PLCXD1: variants seen among roughly 807,000 people sequenced by gnomAD.
The protein encoded by PLCXD1 is PI-PLC X domain-containing protein 1.
PLCXD1 carries 45 observed loss-of-function variants against 37.8 expected under a neutral mutation model. That is an observed-to-expected ratio of 1.19 (90% CI 0.94 to 1.53). The LOEUF is 1.53. Among genes scored for constraint, PLCXD1 ranks in the 40% most tolerant of loss-of-function variants. PLCXD1 has a pLI of 0.00. For synonymous variants in PLCXD1, 246 were observed against 206.9 expected, an observed-to-expected ratio of 1.19 and a Z score of -1.62; for missense variants, 539 against 454.7, an observed-to-expected ratio of 1.19 and a Z score of -1.69.
At chrX:278,560 G>A (rs1438045592), upstream of PLCXD1, among the ~76,000 whole-genome samples, 1 of 151,956 alleles carries the variant, frequency 6.6e-6, no homozygotes, top group African/African-American at 2.4e-5. Flanking sequence ...CCAACAAGGT[G>A]AAACCCTGTC....
intron 5 of PLCXD1, among the ~76,000 whole-genome samples, 156 bp downstream of exon 5, chrX:291,810 G>C (rs946939115): frequency 1.3e-5 from 2 of 152,130 alleles, no homozygotes; most frequent in African/African-American, 4.8e-5. Flanking sequence ...CAGTGTGGGG[G>C]GCCCTGGCTG....
At chrX:295,373 G>T (rs1008799157) in intron 6 of PLCXD1, among the ~76,000 whole-genome samples, 1 of 152,022 alleles carries the variant, frequency 6.6e-6, no homozygotes. Flanking sequence ...TGCAGCCTGC[G>T]GCTGGGTTCT....
intron 6 of PLCXD1, among the ~76,000 whole-genome samples, chrX:295,259 C>T (rs1020279110): frequency 5.9e-5 from 9 of 151,880 alleles, no homozygotes; most frequent in Admixed American, 1.3e-4. Flanking sequence ...GTGCAGACAG[C>T]GTCGGCAGCC....
chrX:301,624 G>A lies in PLCXD1; in HGVS notation c.*2289G>A, dbSNP rs1424651621. Reference sequence around the variant, plus strand: ...ATGCCCAGCTAATTATTTAGTAGTAGTAGGAGGAGTATTATGTTTGAGATG... The same window carrying A: ...ATGCCCAGCTAATTATTTAGTAGTAATAGGAGGAGTATTATGTTTGAGATG... On this transcript the variant is annotated 3_prime_UTR_variant, in exon 7 of 7. Transcript: ENST00000381657. The A allele has an allele frequency of 6.6e-6, 1 of 152,098 alleles. No individual in the cohort carries two copies. The highest frequency in any genetic ancestry group is 1.5e-5 in the Non-Finnish European group (1 of 68,060). 9.4% of individuals were successfully genotyped at this position (152,098 alleles called of 1,614,324 possible).
rs772161984 is a variant in PLCXD1, at chrX:284,177, G to A, written c.-11G>A. On this transcript the variant is annotated 5_prime_UTR_variant, in exon 2 of 7. Transcript: ENST00000381657. Reference sequence around the variant, plus strand: ...CTTCTCCTTCCTCAGGTTGCCCAGGGCTCACCTCTGATGGGTGGGCAGGTG... The same window carrying A: ...CTTCTCCTTCCTCAGGTTGCCCAGGACTCACCTCTGATGGGTGGGCAGGTG... 6.2e-7 allele frequency: 1 copy of A among 1,612,764 alleles called. No homozygotes were observed. The highest frequency in any genetic ancestry group is 1.1e-5 in the South Asian group (1 of 91,012).
At chrX:295,572 C>T (rs1202683842) in intron 6 of PLCXD1, among the ~76,000 whole-genome samples, 2 of 150,482 alleles carry the variant, frequency 1.3e-5, no homozygotes, top group African/African-American at 4.9e-5. Flanking sequence ...TTGCCCCGGT[C>T]GGAGTGCAGT....
chrX:292,068 G>A (rs1178883808), intron 5 of PLCXD1, among the ~76,000 whole-genome samples: 4 of 152,108 alleles, frequency 2.6e-5, no homozygotes, highest in East Asian at 3.9e-4. Context: ...TTGGGAGGCC[G>A]AGGCGGGCGG....
At chrX:292,223 AGGCG>A (rs921308260) in intron 5 of PLCXD1, among the ~76,000 whole-genome samples, 43 of 152,024 alleles carry the variant, frequency 2.8e-4, no homozygotes, top group Non-Finnish European at 3.8e-4. Flanking sequence ...TGGGAGGCCG[AGGCG>A]GGCGGATCAT....
intron 2 of PLCXD1, among the ~76,000 whole-genome samples, chrX:285,334 GCACATGCACACGTGTACACATGTACA>G (rs1213148586): frequency 6.7e-6 from 1 of 150,244 alleles, no homozygotes. Flanking sequence ...GTGTACACAT[GCACATGCACACGTGTACACATGTACA>G]CACATGCACA....
intron 2 of PLCXD1, among the ~76,000 whole-genome samples, chrX:287,433 AT>A (rs1411143555): frequency 2.8e-5 from 4 of 140,576 alleles, no homozygotes; most frequent in Non-Finnish European, 6.0e-5. Flanking sequence ...TTATATATAG[AT>A]ATATATACAC....
upstream of PLCXD1, among the ~76,000 whole-genome samples, chrX:276,644 C>G (rs758459108): frequency 2.0e-5 from 3 of 152,252 alleles, no homozygotes; most frequent in South Asian, 6.2e-4. Flanking sequence ...AATTCTCTGC[C>G]GGGTCAGAGC....
rs1364014330 is a variant in PLCXD1 at position 284,320 on chromosome X, G to A, written c.127+6G>A. 2 of 1,612,766 alleles carry A rather than the reference G, an allele frequency of 1.2e-6. No individual in the cohort carries two copies. Among genetic ancestry groups the A allele is most frequent in the East Asian group, 2.2e-5 (1 of 44,884 alleles). On this transcript the variant is annotated splice_donor_region_variant and intron_variant, in intron 2 of 6. Transcript: ENST00000381657. ...CCACCACCTCTCCATCCCAGGTGAG[G>A]TTGGGGTGGGGCAGGGGCCGTTGCC...
chrX:278,736 C>G (rs1203262904), upstream of PLCXD1, among the ~76,000 whole-genome samples: 84 of 39,986 alleles, frequency 2.1e-3, no homozygotes, highest in African/African-American at 4.8e-3. Flanking sequence ...AAGACTCCGT[C>G]TCAAAAAAAA....
chrX:290,623 A>G, intron 3 of PLCXD1, 25 bp from the exon 4 acceptor site: 1 of 1,612,888 alleles, frequency 6.2e-7, no homozygotes, highest in Non-Finnish European at 8.5e-7. Flanking sequence ...AGCCAGGCAG[A>G]CATGACAGCA....
chrX:279,352 G>C (rs2069214399), upstream of PLCXD1, among the ~76,000 whole-genome samples: 1 of 152,226 alleles, frequency 6.6e-6, no homozygotes, highest in African/African-American at 2.4e-5. Flanking sequence ...GGTGATAATG[G>C]CTGAGCTTCG....
At chrX:279,796 A>G (rs1169836660), upstream of PLCXD1, among the ~76,000 whole-genome samples, 1 of 151,964 alleles carries the variant, frequency 6.6e-6, no homozygotes, top group Non-Finnish European at 1.5e-5. Flanking sequence ...AAAGAAGAAA[A>G]AAAGAGTTAT....
upstream of PLCXD1, among the ~76,000 whole-genome samples, chrX:280,267 C>T (rs1258882671): frequency 6.6e-6 from 1 of 151,446 alleles, no homozygotes; most frequent in African/African-American, 2.4e-5. Context: ...CACAGCCCTG[C>T]AGGCAGAGGG....
chrX:289,820 C>A (rs1000317355), intron 3 of PLCXD1, among the ~76,000 whole-genome samples: 2 of 152,014 alleles, frequency 1.3e-5, no homozygotes, highest in African/African-American at 4.8e-5. Context: ...CGAGACAACC[C>A]CTTTCATGCC....
At chrX:291,101 C>G (rs1362436186) in intron 4 of PLCXD1, among the ~76,000 whole-genome samples, 1 of 151,374 alleles carries the variant, frequency 6.6e-6, no homozygotes, top group Non-Finnish European at 1.5e-5. Flanking sequence ...ATACACCAGA[C>G]AGGAGACACT....
Sources: allele counts gnomAD v4.1 joint callset (sites outside exome capture counted in the v4.1 genomes callset), GRCh38; gene constraint gnomAD v4.1.1; transcripts MANE v1.5; gene names NCBI Gene and HGNC (gene_info 2026-07-23, HGNC 2026-07-21).